The following RERE variants were observed in gnomAD, a reference collection of about 807,000 sequenced individuals.
RERE encodes the protein arginine-glutamic acid dipeptide repeats protein.
A neutral mutation model predicts 146.1 loss-of-function variants in RERE; 40 were observed. That is an observed-to-expected ratio of 0.27 (90% CI 0.21 to 0.36). RERE has a LOEUF of 0.36. RERE is among the 10% of genes least tolerant of loss of function. The pLI is 1.00. For missense variants in RERE, 1,933 were observed against 2,138.7 expected (o/e 0.90, Z 1.90); for synonymous variants, 1,003 against 866.0 (o/e 1.16, Z -2.78).
At chr1:8,405,925 G>A (rs1351588538) in intron 12 of RERE, among the ~76,000 whole-genome samples, 5 of 152,050 alleles carry the variant, frequency 3.3e-5, no homozygotes, top group East Asian at 3.9e-4. Flanking sequence ...GTGAGCCACC[G>A]CAGCCGGCCT....
intron 4 of RERE, among the ~76,000 whole-genome samples, chr1:8,602,390 CAAA>C (rs34191037): frequency 2.2e-5 from 3 of 138,588 alleles, no homozygotes; most frequent in African/African-American, 2.7e-5. Flanking sequence ...GACTCCATCT[CAAA>C]AAAAAAAAAA....
At chr1:8,501,605 G>A (rs1197475063) in intron 8 of RERE, among the ~76,000 whole-genome samples, 14 of 112,868 alleles carry the variant, frequency 1.2e-4, no homozygotes, top group East Asian at 3.4e-4. Context: ...CGCCCCGTCC[G>A]GGAGGGAGGT....
At chr1:8,437,035 G>A (rs1273214959) in intron 11 of RERE, among the ~76,000 whole-genome samples, 1 of 152,092 alleles carries the variant, frequency 6.6e-6, no homozygotes, top group Non-Finnish European at 1.5e-5. Flanking sequence ...TAGAATCATG[G>A]GCAACGATAT....
At chr1:8,549,874 A>G (rs148854721) in intron 6 of RERE, among the ~76,000 whole-genome samples, 23 of 152,364 alleles carry the variant, frequency 1.5e-4, no homozygotes, top group African/African-American at 5.3e-4. Context: ...AAAACAATTG[A>G]TCAATAATAT....
chr1:8,616,548 A>G (rs527549686), intron 3 of RERE, among the ~76,000 whole-genome samples: 3 of 152,324 alleles, frequency 2.0e-5, no homozygotes, highest in African/African-American at 7.2e-5. Context: ...ACCTTTCTTA[A>G]GCTCCTTTAA....
chr1:8,509,707 A>T (rs1418655663), intron 7 of RERE, among the ~76,000 whole-genome samples: 1 of 152,122 alleles, frequency 6.6e-6, no homozygotes, highest in Non-Finnish European at 1.5e-5. Context: ...ACTCAAGAGG[A>T]TCGCTTGAGC....
intron 4 of RERE, among the ~76,000 whole-genome samples, chr1:8,559,309 ACAAAAC>A: frequency 1.4e-5 from 2 of 138,620 alleles, no homozygotes; most frequent in African/African-American, 5.3e-5. Context: ...AAAAAACAGA[ACAAAAC>A]AAAACAAAAA....
intron 4 of RERE, among the ~76,000 whole-genome samples, chr1:8,603,548 T>C (rs1646659891): frequency 6.6e-6 from 1 of 152,262 alleles, no homozygotes; most frequent in Admixed American, 6.5e-5. Context: ...AGAACTTTAT[T>C]GGTTTTGTAG....
chr1:8,790,784 C>T (rs888981963), intron 1 of RERE, among the ~76,000 whole-genome samples: 2 of 152,152 alleles, frequency 1.3e-5, no homozygotes, highest in African/African-American at 4.8e-5. Flanking sequence ...TGGGTTTTGG[C>T]CATGTTGGCC....
chr1:8,597,563 C>T (rs575707547), intron 4 of RERE, among the ~76,000 whole-genome samples: 6 of 152,216 alleles, frequency 3.9e-5, no homozygotes, highest in South Asian at 2.1e-4. Flanking sequence ...AATTAAAACA[C>T]GCAGATAGAA....
At chr1:8,605,492 C>A (rs1255574056) in intron 4 of RERE, among the ~76,000 whole-genome samples, 1 of 151,900 alleles carries the variant, frequency 6.6e-6, no homozygotes, top group Non-Finnish European at 1.5e-5. Context: ...CCTGTAATCC[C>A]AGGGTGATTG....
chr1:8,813,638 A>G (rs2124610134), intron 1 of RERE, among the ~76,000 whole-genome samples: 1 of 139,392 alleles, frequency 7.2e-6, no homozygotes, highest in African/African-American at 2.7e-5. Flanking sequence ...TTTTTTAGAC[A>G]GAGTCTCGCT....
intron 3 of RERE, among the ~76,000 whole-genome samples, chr1:8,617,116 G>A (rs1306706114): frequency 3.9e-5 from 6 of 152,088 alleles, no homozygotes; most frequent in Middle Eastern, 3.4e-3. Context: ...AGGCCGAGGC[G>A]GGCGGATCAC....
At chr1:8,394,304 A>C (rs1248398749) in intron 12 of RERE, among the ~76,000 whole-genome samples, 1 of 152,244 alleles carries the variant, frequency 6.6e-6, no homozygotes, top group African/African-American at 2.4e-5. Flanking sequence ...TATGCTAAAC[A>C]TACTGCCCAC....
chr1:8,667,433 CG>C (rs895689206), intron 1 of RERE, among the ~76,000 whole-genome samples: 7 of 152,098 alleles, frequency 4.6e-5, no homozygotes, highest in African/African-American at 1.7e-4. Context: ...CCAGCATGTT[CG>C]GGGGGCCGAG....
In RERE at chr1:8,534,949, T is replaced by A. The variant is rs1645705783; in HGVS notation, c.830+6265A>T. ...ATAAGGAAACACCATAAATGCAAAC[T>A]GAGGGACAGCTGGGCACAGTGGCAT... On this transcript the variant is annotated intron_variant, in intron 7 of 22. Transcript: ENST00000400908. Among the ~76,000 whole-genome samples the A allele has an allele frequency of 1.3e-5, 2 of 152,020 alleles. 1 individual carries two copies. Among genetic ancestry groups the A allele is most frequent in the South Asian group, 4.1e-4 (2 of 4,826 alleles).
At chr1:8,420,437 A>G (rs1380034300) in intron 12 of RERE, among the ~76,000 whole-genome samples, 1 of 152,220 alleles carries the variant, frequency 6.6e-6, no homozygotes, top group Non-Finnish European at 1.5e-5. Context: ...CATCTTCTGC[A>G]GCAAAAAGTA....
At chr1:8,407,218 T>A (rs1643470513) in intron 12 of RERE, among the ~76,000 whole-genome samples, 1 of 152,208 alleles carries the variant, frequency 6.6e-6, no homozygotes, top group Non-Finnish European at 1.5e-5. Flanking sequence ...ATTCTCTTTT[T>A]GTGTGACAGA....
At chr1:8,652,460 G>C (rs2124321800) in intron 2 of RERE, among the ~76,000 whole-genome samples, 1 of 152,302 alleles carries the variant, frequency 6.6e-6, no homozygotes, top group East Asian at 1.9e-4. Flanking sequence ...CCAGACTCAA[G>C]AAGGGAGGTG....
Sources: gnomAD v4.1 joint callset for allele counts (sites outside exome capture counted in the v4.1 genomes callset) on GRCh38, gnomAD v4.1.1 for gene constraint, MANE v1.5 for transcripts, NCBI Gene and HGNC (gene_info 2026-07-23, HGNC 2026-07-21) for gene names.